DCC: variants seen among roughly 807,000 people sequenced by gnomAD.
DCC encodes DCC netrin 1 receptor.
Under a neutral mutation model 172.5 loss-of-function variants are expected in DCC, and 58 were observed. The observed-to-expected ratio is 0.34, with a 90% CI of 0.27 to 0.42. The LOEUF is 0.42. Among genes scored for constraint, DCC ranks in the 10% least tolerant of loss-of-function variants. The pLI, the probability that DCC is intolerant of heterozygous loss-of-function variation, is 1.00. For missense variants in DCC, 1,740 were observed against 1,791.0 expected, an observed-to-expected ratio of 0.97 and a Z score of 0.51; for synonymous variants, 709 against 644.5, an observed-to-expected ratio of 1.10 and a Z score of -1.52.
In DCC at chr18:53,315,662, A is replaced by G. The variant is rs1284124087; in HGVS notation, c.2054-6385A>G. Among the ~76,000 whole-genome samples the G allele has an allele frequency of 3.9e-5, 6 of 152,004 alleles. No individual in the cohort carries two copies. In the East Asian group the frequency reaches 9.6e-4, roughly 24 times the overall value. On this transcript the variant is annotated intron_variant, in intron 13 of 28. Transcript: ENST00000442544. ...TTTTTAATGATCACCATTCTAACTGACATGAGATGGTATCTCATTGTGGTT... is the reference window on the plus strand; with the variant it reads ...TTTTTAATGATCACCATTCTAACTGGCATGAGATGGTATCTCATTGTGGTT...
intron 2 of DCC, among the ~76,000 whole-genome samples, chr18:52,876,552 C>T (rs552836921): frequency 6.6e-6 from 1 of 152,292 alleles, no homozygotes; most frequent in African/African-American, 2.4e-5. Context: ...AGCCATAGAA[C>T]TGTGCTTTAT....
At chr18:53,031,568 A>C (rs7506428) in intron 5 of DCC, among the ~76,000 whole-genome samples, 92,744 of 151,706 alleles carry the variant, frequency 0.61, 29,100 homozygotes, top group African/African-American at 0.67. Flanking sequence ...TGGCTTATTC[A>C]AATTTTGAAT....
chr18:53,086,614 TTTC>T lies in DCC; in HGVS notation c.1261+20457_1261+20459del, dbSNP rs1191028657. Among the ~76,000 whole-genome samples the T allele has an allele frequency of 4.5e-4, 15 of 33,160 alleles. 5 individuals carry two copies. The highest frequency in any genetic ancestry group is 9.6e-4 in the Non-Finnish European group (15 of 15,660). The allele number at this position is 33,160 out of a possible 152,430, so 21.8% of individuals were successfully genotyped here. A position where few individuals can be genotyped will look rare whatever the true frequency, so the allele number is the denominator to read the frequency against. ...CTTCTTCTTCTTCTTCTTCTTCTTCTTTCTTCTTCTTGTTTTAGGGTACATGTG... is the reference window on the plus strand; with the variant it reads ...CTTCTTCTTCTTCTTCTTCTTCTTCTTTCTTCTTGTTTTAGGGTACATGTG... On this transcript the variant is annotated intron_variant, in intron 7 of 28. Transcript: ENST00000442544.
intron 5 of DCC, among the ~76,000 whole-genome samples, chr18:53,020,571 T>A (rs1188977330): frequency 6.6e-6 from 1 of 152,184 alleles, no homozygotes; most frequent in Non-Finnish European, 1.5e-5. Context: ...TTCACACTCA[T>A]TAGTTCCTAG....
At chr18:52,962,546 G>A (rs1319690792) in intron 5 of DCC, among the ~76,000 whole-genome samples, 1 of 151,938 alleles carries the variant, frequency 6.6e-6, no homozygotes, top group Non-Finnish European at 1.5e-5. Flanking sequence ...ATTCAGTGTG[G>A]CGATTCCTCA....
At chr18:53,488,243 C>T (rs141425463) in intron 26 of DCC, among the ~76,000 whole-genome samples, 48 of 152,080 alleles carry the variant, frequency 3.2e-4, no homozygotes, top group African/African-American at 1.1e-3. Flanking sequence ...GGTGTGGTGG[C>T]GCATGCCTAT....
chr18:53,357,117 G>C (rs1234385946), intron 15 of DCC, among the ~76,000 whole-genome samples: 4 of 152,062 alleles, frequency 2.6e-5, no homozygotes, highest in African/African-American at 7.2e-5. Context: ...TTTAATAAGT[G>C]ATTAAACAAT....
chr18:53,120,970 T>G lies in DCC; in HGVS notation c.1262-36386T>G, dbSNP rs138577568. Among the ~76,000 whole-genome samples, 8 of 152,006 alleles carry G rather than the reference T, an allele frequency of 5.3e-5. No individual in the cohort carries two copies. In the East Asian group the frequency reaches 1.4e-3, roughly 26 times the overall value. On this transcript the variant is annotated intron_variant, in intron 7 of 28. Coordinates refer to ENST00000442544, the MANE Select transcript of DCC (RefSeq NM_005215.4). ...ATGATGATTAATGGAATTATTACCC[T>G]GATGTATTCTGTGGAAAGAATTAAG...
intron 1 of DCC, among the ~76,000 whole-genome samples, chr18:52,538,080 T>G: frequency 6.6e-6 from 1 of 152,180 alleles, no homozygotes; most frequent in Middle Eastern, 3.2e-3. Context: ...CATTCCAGCA[T>G]GTAAACAACT....
intron 1 of DCC, among the ~76,000 whole-genome samples, chr18:52,379,130 A>G (rs1470128440): frequency 1.3e-5 from 2 of 152,142 alleles, no homozygotes; most frequent in African/African-American, 2.4e-5. Context: ...GTGATGTTTC[A>G]TTTAAATGTT....
intron 5 of DCC, among the ~76,000 whole-genome samples, chr18:52,932,855 G>A (rs1033883668): frequency 2.6e-5 from 4 of 151,322 alleles, no homozygotes; most frequent in African/African-American, 4.8e-5. Flanking sequence ...TATTTCTAAA[G>A]TTTCCCTTTA....
chr18:52,742,030 T>C (rs188024752), intron 1 of DCC, among the ~76,000 whole-genome samples: 232 of 152,220 alleles, frequency 1.5e-3, no homozygotes, highest in African/African-American at 5.4e-3. Context: ...GAGCTCTCTG[T>C]CTCCCCATGA....
chr18:52,775,055 G>C (rs74600925), intron 2 of DCC, among the ~76,000 whole-genome samples: 4 of 152,134 alleles, frequency 2.6e-5, no homozygotes, highest in Admixed American at 2.6e-4. Flanking sequence ...CTTACCAGCA[G>C]GAAAAGGTGG....
intron 15 of DCC, among the ~76,000 whole-genome samples, chr18:53,351,403 A>ATATATATATATACACTG (rs1568075123): frequency 9.5e-5 from 1 of 10,542 alleles, no homozygotes; most frequent in African/African-American, 2.9e-4. Context: ...TATACAGTGT[A>ATATATATATATACACTG]TATATATATA....
intron 20 of DCC, among the ~76,000 whole-genome samples, chr18:53,413,750 T>A (rs1428894566): frequency 6.6e-6 from 1 of 152,190 alleles, no homozygotes; most frequent in African/African-American, 2.4e-5. Flanking sequence ...TAAAGAATTC[T>A]CACCTAAATA....
chr18:53,527,483 T>C (rs1205344575), intron 28 of DCC, among the ~76,000 whole-genome samples: 2 of 151,508 alleles, frequency 1.3e-5, no homozygotes, highest in African/African-American at 2.4e-5. Flanking sequence ...AATCATAAAA[T>C]ACCAGAAATA....
At chr18:52,580,778 C>G (rs1241692953) in intron 1 of DCC, among the ~76,000 whole-genome samples, 3 of 152,130 alleles carry the variant, frequency 2.0e-5, no homozygotes, top group Admixed American at 2.0e-4. Flanking sequence ...TGAGGAATAT[C>G]TGTTTTAATT....
At chr18:52,861,490 T>A (rs1164240505) in intron 2 of DCC, among the ~76,000 whole-genome samples, 2 of 152,208 alleles carry the variant, frequency 1.3e-5, no homozygotes, top group African/African-American at 4.8e-5. Context: ...AAAATAGGAA[T>A]GTTCATGAAT....
At position 52,644,772 on chromosome 18, in the gene DCC, AAAGGAAAGAAGGAAAG is replaced by A. The variant is rs869250553; in HGVS notation, c.92-107267_92-107252del. Among the ~76,000 whole-genome samples the A allele has an allele frequency of 1.5e-4, 11 of 73,058 alleles. No individual in the cohort carries two copies. The East Asian group carries it at 1.6e-3, about 11-fold the overall frequency. The allele number at this position is 73,058 out of a possible 152,430, so 47.9% of individuals were successfully genotyped here. A position where few individuals can be genotyped will look rare whatever the true frequency, so the allele number is the denominator to read the frequency against. On this transcript the variant is annotated intron_variant, in intron 1 of 28. Transcript: ENST00000442544. ...AGAAAGAGAGAAAGAGAGAAGGAAGAAAGGAAAGAAGGAAAGAAGGAAAGAAGGAAGGAAGGAAGGG... is the reference window on the plus strand; with the variant it reads ...AGAAAGAGAGAAAGAGAGAAGGAAGAAAGGAAAGAAGGAAGGAAGGAAGGG...
Sources: gnomAD v4.1 joint callset for allele counts (sites outside exome capture counted in the v4.1 genomes callset) on GRCh38, gnomAD v4.1.1 for gene constraint, MANE v1.5 for transcripts, NCBI Gene and HGNC (gene_info 2026-07-23, HGNC 2026-07-21) for gene names.